Variants in WNT2 observed in about 807,000 individuals in gnomAD.
WNT2 encodes the protein protein Wnt-2.
Under a neutral mutation model 36.9 loss-of-function variants are expected in WNT2, and 12 were observed. That is an observed-to-expected ratio of 0.33 (90% CI 0.21 to 0.53). WNT2 has a LOEUF of 0.53. WNT2 is among the 20% of genes least tolerant of loss of function. The pLI, the probability that WNT2 is intolerant of heterozygous loss-of-function variation, is 0.95. For synonymous variants in WNT2, 163 were observed against 174.6 expected (o/e 0.93, Z 0.52); for missense variants, 379 against 473.1 (o/e 0.80, Z 1.84).
chr7:117,319,318 A>G (rs958174542), intron 2 of WNT2, among the ~76,000 whole-genome samples: 3 of 152,250 alleles, frequency 2.0e-5, no homozygotes, highest in African/African-American at 7.2e-5. Context: ...TAGTTCTTAA[A>G]CTAGAGAATA....
intron 4 of WNT2, among the ~76,000 whole-genome samples, chr7:117,292,766 T>C (rs1027719003): frequency 2.0e-5 from 3 of 152,206 alleles, no homozygotes; most frequent in Non-Finnish European, 2.9e-5. Flanking sequence ...GACTCTCTTA[T>C]ACTGGGCAAG....
At chr7:117,305,450 T>C (rs1383057784) in intron 3 of WNT2, among the ~76,000 whole-genome samples, 1 of 152,208 alleles carries the variant, frequency 6.6e-6, no homozygotes, top group East Asian at 1.9e-4. Flanking sequence ...ATCCTTGAAT[T>C]ACTGCATTTT....
chr7:117,301,620 T>C (rs1212373482), intron 3 of WNT2, among the ~76,000 whole-genome samples: 1 of 152,186 alleles, frequency 6.6e-6, no homozygotes, highest in Non-Finnish European at 1.5e-5. Flanking sequence ...TATGAAAACC[T>C]GCGCTCTGCG....
intron 3 of WNT2, among the ~76,000 whole-genome samples, chr7:117,305,557 G>C (rs1794999544): frequency 6.6e-6 from 1 of 152,144 alleles, no homozygotes; most frequent in Admixed American, 6.5e-5. Flanking sequence ...TCCTTGGACA[G>C]TCTCTTCATA....
At chr7:117,293,559 C>G (rs1305245698) in intron 4 of WNT2, among the ~76,000 whole-genome samples, 1 of 152,130 alleles carries the variant, frequency 6.6e-6, no homozygotes, top group East Asian at 1.9e-4. Context: ...AGGGTTAATG[C>G]TGATTTTAAA....
chr7:117,282,469 G>A (rs1467302400), intron 4 of WNT2, among the ~76,000 whole-genome samples: 2 of 151,280 alleles, frequency 1.3e-5, no homozygotes, highest in Non-Finnish European at 2.9e-5. Context: ...AAGGAGGAGG[G>A]GGAGGAGGAG....
intron 4 of WNT2, among the ~76,000 whole-genome samples, chr7:117,287,713 T>C (rs903880579): frequency 1.1e-4 from 17 of 152,096 alleles, no homozygotes; most frequent in Middle Eastern, 3.4e-3. Flanking sequence ...CAAGGCTGGG[T>C]GTGGTGGCTC....
intron 3 of WNT2, 88 bp from the exon 4 acceptor site, chr7:117,297,964 G>C: frequency 1.4e-6 from 2 of 1,473,634 alleles, no homozygotes; most frequent in Middle Eastern, 1.9e-4. Context: ...ATCCAGAAGT[G>C]ATTCTCAGGA....
chr7:117,304,063 T>A (rs1252073731), intron 3 of WNT2, among the ~76,000 whole-genome samples: 2 of 152,238 alleles, frequency 1.3e-5, no homozygotes, highest in Non-Finnish European at 2.9e-5. Flanking sequence ...TCCTTTTTGC[T>A]GCAGTACAGT....
chr7:117,298,651 A>G (rs546447127), intron 3 of WNT2, among the ~76,000 whole-genome samples: 17 of 152,246 alleles, frequency 1.1e-4, no homozygotes, highest in African/African-American at 3.9e-4. Context: ...TGTGGAGAGG[A>G]GAGGGGACAG....
chr7:117,307,422 G>A (rs1223755661), intron 3 of WNT2, among the ~76,000 whole-genome samples: 1 of 152,138 alleles, frequency 6.6e-6, no homozygotes, highest in Non-Finnish European at 1.5e-5. Context: ...GATAACCCAG[G>A]GAGGCAGGAT....
intron 4 of WNT2, among the ~76,000 whole-genome samples, chr7:117,296,289 T>A (rs1488075392): frequency 6.6e-6 from 1 of 152,176 alleles, no homozygotes; most frequent in African/African-American, 2.4e-5. Flanking sequence ...TTGTCATTAA[T>A]CCCTGGGCTG....
At position 117,313,227 on chromosome 7, in the gene WNT2, C is replaced by T. The variant is rs766814129; in HGVS notation, c.588+1844G>A. Among the ~76,000 whole-genome samples, 32 of 152,132 alleles carry T rather than the reference C, an allele frequency of 2.1e-4. 1 individual carries two copies. The highest frequency in any genetic ancestry group is 3.7e-4 in the Non-Finnish European group (25 of 68,034). ...ATGACCGCAAGAAGAGAATTAGAGACGCATGTTTATCTCAATACATTTACT... is the reference window on the plus strand; with the variant it reads ...ATGACCGCAAGAAGAGAATTAGAGATGCATGTTTATCTCAATACATTTACT... On this transcript the variant is annotated intron_variant, in intron 3 of 4. Coordinates refer to ENST00000265441, the MANE Select transcript of WNT2 (RefSeq NM_003391.3).
chr7:117,281,435 G>T (rs907575247), intron 4 of WNT2, among the ~76,000 whole-genome samples: 2 of 151,982 alleles, frequency 1.3e-5, no homozygotes, highest in African/African-American at 2.4e-5. Context: ...ACAGGGTCTT[G>T]CCATGTTGCC....
chr7:117,311,264 G>GAA (rs372735299), intron 3 of WNT2, among the ~76,000 whole-genome samples: 1 of 151,980 alleles, frequency 6.6e-6, no homozygotes, highest in Admixed American at 6.6e-5. Context: ...CACACACAAA[G>GAA]AAAAAAAATC....
At position 117,285,627 on chromosome 7, in the gene WNT2, T is replaced by C. The variant is rs1353063547; in HGVS notation, c.854-7243A>G. On this transcript the variant is annotated intron_variant, in intron 4 of 4. Transcript: ENST00000265441. ...TAAAAATACTCCAGAAGAGACATTTTAAAAATAGTTTCAATTACCGGTCCT... is the reference window on the plus strand; with the variant it reads ...TAAAAATACTCCAGAAGAGACATTTCAAAAATAGTTTCAATTACCGGTCCT... 3.9e-5 allele frequency among the ~76,000 whole-genome samples: 6 copies of C among 152,238 alleles called. No homozygotes were observed. The South Asian group carries it at 8.3e-4, about 21-fold the overall frequency.
intron 2 of WNT2, among the ~76,000 whole-genome samples, chr7:117,318,057 T>C (rs1483425514): frequency 6.6e-6 from 1 of 152,192 alleles, no homozygotes; most frequent in Non-Finnish European, 1.5e-5. Flanking sequence ...ATTACAAATG[T>C]TTCTAAAAAT....
At chr7:117,279,642 G>T (rs1043828091) in intron 4 of WNT2, among the ~76,000 whole-genome samples, 1 of 152,068 alleles carries the variant, frequency 6.6e-6, no homozygotes, top group South Asian at 2.1e-4. Context: ...ACTATTTTCT[G>T]GTTCTGCTTC....
chr7:117,318,533 G>A (rs1795262350), intron 2 of WNT2, among the ~76,000 whole-genome samples: 1 of 152,182 alleles, frequency 6.6e-6, no homozygotes, highest in Admixed American at 6.5e-5. Context: ...ATTTACCTGA[G>A]GTCTAGACTA....
Sources: gnomAD v4.1 joint callset for allele counts (sites outside exome capture counted in the v4.1 genomes callset) on GRCh38, gnomAD v4.1.1 for gene constraint, MANE v1.5 for transcripts, NCBI Gene and HGNC (gene_info 2026-07-23, HGNC 2026-07-21) for gene names.